The following DOCK9 variants were observed in gnomAD, a reference collection of about 807,000 sequenced individuals.
The protein encoded by DOCK9 is dedicator of cytokinesis protein 9.
A neutral mutation model predicts 263.3 loss-of-function variants in DOCK9; 89 were observed. The ratio of observed to expected loss-of-function variants is 0.34; its 90% confidence interval spans 0.28 to 0.40. DOCK9 has a LOEUF of 0.40. Among genes scored for constraint, DOCK9 ranks in the 10% least tolerant of loss-of-function variants. DOCK9 has a pLI of 1.00. For synonymous variants in DOCK9, 976 were observed against 973.1 expected (o/e 1.00, Z -0.06); for missense variants, 2,140 against 2,603.4 (o/e 0.82, Z 3.87).
intron 2 of DOCK9, among the ~76,000 whole-genome samples, chr13:98,933,004 T>C (rs1283112223): frequency 6.6e-6 from 1 of 152,168 alleles, no homozygotes; most frequent in Non-Finnish European, 1.5e-5. Context: ...ACTGTATATA[T>C]ATAGACTGTC....
chr13:99,084,174 A>G (rs967512876), intron 1 of DOCK9, among the ~76,000 whole-genome samples: 11 of 152,174 alleles, frequency 7.2e-5, no homozygotes, highest in Non-Finnish European at 1.2e-4. Flanking sequence ...CCTGGCAGAC[A>G]CTGGAGCCAC....
At chr13:99,058,567 C>A (rs564802795) in intron 1 of DOCK9, among the ~76,000 whole-genome samples, 86 of 152,240 alleles carry the variant, frequency 5.6e-4, no homozygotes, top group Non-Finnish European at 8.8e-4. Context: ...ACCCCCTGCC[C>A]TAATGCTGCA....
intron 27 of DOCK9, 100 bp downstream of exon 27, chr13:98,879,798 G>A (rs2044449984): frequency 2.0e-6 from 2 of 978,864 alleles, no homozygotes; most frequent in Non-Finnish European, 1.5e-6. Flanking sequence ...GAACAGTCCT[G>A]TAACTGGCAC....
At chr13:98,909,395 T>A (rs990950080) in intron 9 of DOCK9, among the ~76,000 whole-genome samples, 1 of 152,182 alleles carries the variant, frequency 6.6e-6, no homozygotes, top group Non-Finnish European at 1.5e-5. Flanking sequence ...TTAAATTTAT[T>A]TGCGAGTAGA....
intron 50 of DOCK9, among the ~76,000 whole-genome samples, chr13:98,798,946 C>T (rs933376104): frequency 2.6e-5 from 4 of 152,188 alleles, no homozygotes; most frequent in African/African-American, 9.6e-5. Context: ...GGTGCCACAC[C>T]CCTCCAGCGG....
At chr13:98,893,269 C>T (rs2046901913) in intron 15 of DOCK9, among the ~76,000 whole-genome samples, 1 of 152,078 alleles carries the variant, frequency 6.6e-6, no homozygotes, top group Non-Finnish European at 1.5e-5. Flanking sequence ...GCTGCATACG[C>T]AAAAACTTTA....
chr13:98,984,797 G>T (rs1410445183), intron 1 of DOCK9, among the ~76,000 whole-genome samples: 4 of 151,922 alleles, frequency 2.6e-5, no homozygotes, highest in African/African-American at 9.7e-5. Flanking sequence ...TAAAATGAAG[G>T]ACTTACACCA....
At chr13:98,900,986 A>AT (rs113813149) in intron 13 of DOCK9, among the ~76,000 whole-genome samples, 10 of 151,022 alleles carry the variant, frequency 6.6e-5, no homozygotes, top group East Asian at 3.9e-4. Flanking sequence ...TGACCACACA[A>AT]TTTTTTTTTT....
chr13:98,990,232 C>A (rs745621641), intron 1 of DOCK9, among the ~76,000 whole-genome samples: 2 of 152,214 alleles, frequency 1.3e-5, no homozygotes, highest in African/African-American at 4.8e-5. Flanking sequence ...GCAGAAGTCA[C>A]GTCTTCCGTA....
intron 3 of DOCK9, 87 bp from the exon 4 acceptor site, chr13:98,926,006 AC>A: frequency 9.0e-7 from 1 of 1,113,464 alleles, no homozygotes. Context: ...GTGAAGGCAT[AC>A]CCATAGAAAC....
chr13:98,925,299 G>A (rs1162338649), intron 4 of DOCK9, among the ~76,000 whole-genome samples: 1 of 152,238 alleles, frequency 6.6e-6, no homozygotes, highest in African/African-American at 2.4e-5. Flanking sequence ...TAGCTACCGC[G>A]ATTCACTTTG....
At chr13:98,921,969 G>C (rs528583014) in intron 6 of DOCK9, 82 bp downstream of exon 6, 4 of 1,147,202 alleles carry the variant, frequency 3.5e-6, no homozygotes, top group Non-Finnish European at 5.1e-6. Context: ...AACAGCATGC[G>C]CATTCATCTT....
intron 15 of DOCK9, among the ~76,000 whole-genome samples, chr13:98,889,768 C>T (rs1317087867): frequency 2.0e-5 from 3 of 152,220 alleles, no homozygotes; most frequent in Admixed American, 2.0e-4. Flanking sequence ...GCACCTGCCC[C>T]AATGTCATTC....
intron 1 of DOCK9, among the ~76,000 whole-genome samples, chr13:98,955,759 A>G (rs2057980936): frequency 6.6e-6 from 1 of 152,234 alleles, no homozygotes; most frequent in Non-Finnish European, 1.5e-5. Flanking sequence ...ATGCTTGTTC[A>G]GTTATTTAAG....
rs762692200 is a variant in DOCK9, at chr13:98,930,265, C to T, written c.244-8G>A. ...TCGTCTCAGGATGGCCGTCTGGAAA[C>T]AAAAACAGGAGGAAAAGCCTTGGGT... On this transcript the variant is annotated splice_region_variant and splice_polypyrimidine_tract_variant and intron_variant, in intron 2 of 52. Transcript: ENST00000682017. 6 of 1,605,136 alleles carry T rather than the reference C, an allele frequency of 3.7e-6. No individual in the cohort carries two copies. The African/African-American group carries it at 8.0e-5, about 21-fold the overall frequency.
At chr13:99,012,462 T>C (rs904207702) in intron 1 of DOCK9, among the ~76,000 whole-genome samples, 3 of 152,090 alleles carry the variant, frequency 2.0e-5, no homozygotes, top group East Asian at 1.9e-4. Context: ...GTAGCTGAAG[T>C]AGGGGTTTTG....
At chr13:98,976,233 A>C (rs7327995) in intron 1 of DOCK9, among the ~76,000 whole-genome samples, 10 of 152,192 alleles carry the variant, frequency 6.6e-5, no homozygotes, top group African/African-American at 2.4e-4. Context: ...GTTCCCACCA[A>C]ATGCAGCTGT....
chr13:98,978,460 A>G (rs1346882055), upstream of DOCK9, among the ~76,000 whole-genome samples: 2 of 152,206 alleles, frequency 1.3e-5, no homozygotes, highest in Non-Finnish European at 2.9e-5. Context: ...GCTACCAGCA[A>G]GTATGTTCCC....
In DOCK9 at chr13:98,854,423, T is replaced by A. The variant is rs191428859; in HGVS notation, c.3832-901A>T. The A allele has an allele frequency of 2.0e-5, 3 of 152,144 alleles. No individual in the cohort carries two copies. In the East Asian group the frequency reaches 5.8e-4, roughly 29 times the overall value. The allele number at this position is 152,144 out of a possible 1,614,324, so 9.4% of individuals were successfully genotyped here. ...AATTATGCGTGTGTGTGTGTGTGTA[T>A]ATATATACATATATATATCAGGCTT... On this transcript the variant is annotated intron_variant, in intron 34 of 52. Transcript: ENST00000682017.
Sources: gnomAD v4.1 joint callset for allele counts (sites outside exome capture counted in the v4.1 genomes callset) on GRCh38, gnomAD v4.1.1 for gene constraint, MANE v1.5 for transcripts, NCBI Gene and HGNC (gene_info 2026-07-23, HGNC 2026-07-21) for gene names.